Variants in ADGRF5 observed in about 807,000 individuals in gnomAD.
ADGRF5 encodes adhesion G protein-coupled receptor F5.
Under a neutral mutation model 132.3 loss-of-function variants are expected in ADGRF5, and 75 were observed. The observed-to-expected ratio is 0.57, with a 90% CI of 0.47 to 0.69. The LOEUF is 0.69. Among genes scored for constraint, ADGRF5 ranks in the 30% least tolerant of loss-of-function variants. The pLI is 0.00. For missense variants in ADGRF5, 1,516 were observed against 1,630.6 expected (o/e 0.93, Z 1.21); for synonymous variants, 629 against 597.6 (o/e 1.05, Z -0.77).
intron 1 of ADGRF5, among the ~76,000 whole-genome samples, chr6:46,908,469 T>A (rs220709): frequency 0.36 from 54,963 of 152,008 alleles, 12,189 homozygotes; most frequent in Non-Finnish European, 0.48. Context: ...GAATAGTTAA[T>A]GAGCCTCCCT....
intron 1 of ADGRF5, among the ~76,000 whole-genome samples, chr6:46,944,849 C>G (rs1351711681): frequency 6.6e-6 from 1 of 152,044 alleles, no homozygotes; most frequent in Non-Finnish European, 1.5e-5. Flanking sequence ...GGCCTTGTAC[C>G]CTAAGATGCA....
chr6:46,856,990 G>A (rs1769131918), intron 17 of ADGRF5, 82 bp from the exon 18 acceptor site: 2 of 1,063,732 alleles, frequency 1.9e-6, no homozygotes, highest in African/African-American at 1.6e-5. Context: ...TTAACCTGGT[G>A]TTAAATTTGT....
chr6:46,901,424 C>A (rs936396340), intron 2 of ADGRF5, among the ~76,000 whole-genome samples: 1 of 152,174 alleles, frequency 6.6e-6, no homozygotes, highest in Non-Finnish European at 1.5e-5. Flanking sequence ...CATCCATGAC[C>A]GCCACCTGGG....
At chr6:46,903,234 C>T (rs531528185) in intron 2 of ADGRF5, among the ~76,000 whole-genome samples, 3 of 152,218 alleles carry the variant, frequency 2.0e-5, no homozygotes, top group African/African-American at 7.2e-5. Flanking sequence ...TTTGCCAGGG[C>T]TCCCAGTGCT....
At position 46,859,016 on chromosome 6, in the gene ADGRF5, T is replaced by C. The variant is rs1391779801; in HGVS notation, c.2887A>G (p.Asn963Asp). 31 of 1,614,106 alleles carry C rather than the reference T, an allele frequency of 1.9e-5. No individual in the cohort carries two copies. Among genetic ancestry groups the C allele is most frequent in the Non-Finnish European group, 2.5e-5 (29 of 1,180,046 alleles). ...CTGCTGTCCCACCCCCCTGTGTTGT[T>C]GGCAAGCCTGAAGTTCCAGAAGACA... is the stretch of plus-strand genomic sequence containing the variant. ...KCVFWNFRLA[N>D]NTGGWDSSGC... Residue 963 changes from asparagine to aspartate, a missense_variant, in exon 17 of 21, where the codon AAC (asparagine) becomes GAC (aspartate). By Grantham distance (23) the Asn-to-Asp change is conservative (BLOSUM62 1). This residue lies in a region of ADGRF5 where 571 missense variants were observed against 701.2 expected (regional missense o/e 0.81). Coordinates refer to ENST00000283296, the MANE Select transcript of ADGRF5 (RefSeq NM_001098518.2).
Position 46,906,777 on chromosome 6 carries a change from G to A in ADGRF5, c.-15C>T. ...GGGGATTTCATGTCTTCAAGTTTGA[G>A]TTGGTTGGCCTGAAATGGAAATATG... On this transcript the variant is annotated 5_prime_UTR_variant, in exon 2 of 21. Coordinates refer to ENST00000283296, the MANE Select transcript of ADGRF5 (RefSeq NM_001098518.2). The A allele has an allele frequency of 7.2e-7, 1 of 1,388,166 alleles. No homozygotes were observed. Among genetic ancestry groups the A allele is most frequent in the Non-Finnish European group, 1.0e-6 (1 of 974,306 alleles). The allele number at this position is 1,388,166 out of a possible 1,614,324, so 86.0% of individuals were successfully genotyped here.
rs1772252973 is a variant in ADGRF5, at chr6:46,879,867, C to T, written c.987G>A (p.Met329Ile). The T allele has an allele frequency of 6.2e-7, 1 of 1,614,084 alleles. No individual in the cohort carries two copies. Among genetic ancestry groups the T allele is most frequent in the African/African-American group, 1.3e-5 (1 of 75,050 alleles). ...FSIYTALFNN[M>I]TSVSKLTIHN... ...GGATGGTGAGCTTGGACACCGAAGT[C>T]ATGTTGTTGAAAAGTGCGGTGTAAA... is the stretch of plus-strand genomic sequence containing the variant. The change falls in exon 9 of 21, where the codon ATG (methionine) becomes ATA (isoleucine). Residue 329 changes from methionine (M) to isoleucine (I), a missense_variant. Around this residue, in one of 2 missense-constraint regions of ADGRF5, gnomAD observed 945 missense variants for 929.4 expected, o/e 1.02. Coordinates refer to ENST00000283296, the MANE Select transcript of ADGRF5 (RefSeq NM_001098518.2).
At chr6:46,865,347 G>A (rs964037117) in intron 13 of ADGRF5, 150 bp from the exon 14 acceptor site, 6 of 598,668 alleles carry the variant, frequency 1.0e-5, no homozygotes, top group African/African-American at 1.9e-5. Flanking sequence ...TCTGGGTTTT[G>A]AAGTATGTAA....
intron 1 of ADGRF5, among the ~76,000 whole-genome samples, chr6:46,914,848 A>ATTTTTTTTGTTTGTTTGTTTGTT (rs1554211501): frequency 9.2e-4 from 138 of 150,634 alleles, no homozygotes; most frequent in African/African-American, 3.2e-3. Flanking sequence ...GTTTGTTTTT[A>ATTTTTTTTGTTTGTTTGTTTGTT]TTTTTTTTGT....
chr6:46,901,091 C>T (rs1774717939), intron 2 of ADGRF5, among the ~76,000 whole-genome samples: 1 of 152,116 alleles, frequency 6.6e-6, no homozygotes, highest in Non-Finnish European at 1.5e-5. Context: ...CATCAAGATG[C>T]TCTGGGGGCA....
At chr6:46,933,656 T>G (rs1169708952) in intron 1 of ADGRF5, among the ~76,000 whole-genome samples, 2 of 152,206 alleles carry the variant, frequency 1.3e-5, no homozygotes, top group East Asian at 3.8e-4. Context: ...TGGCTGCTAC[T>G]GCAATTCAAA....
chr6:46,939,195 T>C (rs1389911462), intron 1 of ADGRF5, among the ~76,000 whole-genome samples: 1 of 152,148 alleles, frequency 6.6e-6, no homozygotes, highest in Non-Finnish European at 1.5e-5. Context: ...AAAGCAAAAA[T>C]CCCAGGGACT....
rs1769426971 is a variant in ADGRF5 at position 46,859,193 on chromosome 6, T to C, written c.2710A>G (p.Thr904Ala). 1.2e-6 allele frequency: 2 copies of C among 1,613,878 alleles called. No individual in the cohort carries two copies. Among genetic ancestry groups the C allele is most frequent in the South Asian group, 1.1e-5 (1 of 91,066 alleles). ...TCCTGGGCAAGGATGGCTTGGAGAGTTGGGAAAGCCATGGTGACAATAGAC... is the reference window on the plus strand; with the variant it reads ...TCCTGGGCAAGGATGGCTTGGAGAGCTGGGAAAGCCATGGTGACAATAGAC... ...DSSIVTMAFPTLQAILAQDIQ... is the reference protein window; with the variant it reads ...DSSIVTMAFPALQAILAQDIQ... Residue 904 changes from threonine to alanine, a missense_variant, in exon 17 of 21, where the codon ACT becomes GCT. By Grantham distance (58) the Thr-to-Ala change is moderately conservative (BLOSUM62 0). Around this residue, in one of 2 missense-constraint regions of ADGRF5, gnomAD observed 571 missense variants for 701.2 expected, o/e 0.81. Coordinates refer to ENST00000283296, the MANE Select transcript of ADGRF5 (RefSeq NM_001098518.2).
rs532002924 is a variant in ADGRF5, at chr6:46,945,953, T to TGAATC, written c.-25+8780_-25+8781insGATTC. Among the ~76,000 whole-genome samples, 182 of 152,290 alleles carry TGAATC rather than the reference T, an allele frequency of 1.2e-3. No homozygotes were observed. In the South Asian group the frequency reaches 0.016, roughly 13 times the overall value. On this transcript the variant is annotated intron_variant, in intron 1 of 20. Coordinates refer to the ADGRF5 transcript ENST00000265417. The stretch of plus-strand genomic sequence containing the variant: ...GACGTATTCACCACCATGAGAACGG[T>TGAATC]ATGAGGGAAGCTGCCCTCATGATTC...
At position 46,902,421 on chromosome 6, in the gene ADGRF5, G is replaced by A. The variant is rs114833155; in HGVS notation, c.103-2338C>T. On this transcript the variant is annotated intron_variant, in intron 2 of 20. Coordinates refer to ENST00000283296, the MANE Select transcript of ADGRF5 (RefSeq NM_001098518.2). ...TGCTTTCCAATAGGACTAAAGCATT[G>A]AGGTCTTGCCTCTTGTCTTGTCAGT... 8.8e-3 allele frequency among the ~76,000 whole-genome samples: 1,334 copies of A among 152,328 alleles called. 16 individuals carry two copies. The highest frequency in any genetic ancestry group is 0.029 in the African/African-American group (1,195 of 41,566).
intron 1 of ADGRF5, among the ~76,000 whole-genome samples, chr6:46,932,941 C>T (rs1206357409): frequency 2.0e-5 from 3 of 152,074 alleles, no homozygotes; most frequent in African/African-American, 7.2e-5. Context: ...AAAGACTGGC[C>T]GACGCCAGTG....
At chr6:46,871,142 A>G (rs947162455) in intron 11 of ADGRF5, among the ~76,000 whole-genome samples, 3 of 152,154 alleles carry the variant, frequency 2.0e-5, no homozygotes, top group Non-Finnish European at 4.4e-5. Context: ...CTTGTTCACA[A>G]AAGGGTCTAA....
At chr6:46,870,150 T>C (rs1322859416) in intron 11 of ADGRF5, among the ~76,000 whole-genome samples, 2 of 151,954 alleles carry the variant, frequency 1.3e-5, no homozygotes, top group East Asian at 3.9e-4. Flanking sequence ...GAAATCTTAT[T>C]ATTAATAATA....
At chr6:46,892,225 G>GAT (rs1773722322) in intron 3 of ADGRF5, among the ~76,000 whole-genome samples, 2 of 151,058 alleles carry the variant, frequency 1.3e-5, no homozygotes, top group Non-Finnish European at 1.5e-5. Context: ...GAGAGAGAGA[G>GAT]ATTTTGGAGC....
Sources: gnomAD v4.1 joint callset for allele counts (sites outside exome capture counted in the v4.1 genomes callset) on GRCh38, gnomAD v4.1.1 for gene constraint, gnomAD v4.1.1 regional missense constraint, MANE v1.5 for transcripts, NCBI Gene and HGNC (gene_info 2026-07-23, HGNC 2026-07-21) for gene names.